The following HSD17B8 variants were observed in gnomAD, a reference collection of about 807,000 sequenced individuals.
HSD17B8 encodes hydroxysteroid 17-beta dehydrogenase 8, also known as (3R)-3-hydroxyacyl-CoA dehydrogenase.
In HSD17B8, 23 loss-of-function variants were observed where a neutral mutation model predicts 33.2. The observed-to-expected ratio is 0.69, with a 90% CI of 0.50 to 0.98. The LOEUF is 0.98. Among genes scored for constraint, HSD17B8 ranks in the 50% least tolerant of loss-of-function variants. The pLI is 0.00. For missense variants in HSD17B8, 345 were observed against 347.5 expected, an observed-to-expected ratio of 0.99 and a Z score of 0.06; for synonymous variants, 137 against 138.6, an observed-to-expected ratio of 0.99 and a Z score of 0.08.
At position 33,205,762 on chromosome 6, in the gene HSD17B8, G is replaced by T. The variant is rs544300019; in HGVS notation, c.566+37G>T. 8.8e-5 allele frequency: 142 copies of T among 1,609,380 alleles called. No homozygotes were observed. In the East Asian group the frequency reaches 1.0e-3, roughly 12 times the overall value. On this transcript the variant is annotated intron_variant, in intron 5 of 8. Transcript: ENST00000374662. The surrounding 1 kb of genome is among the most constrained non-coding windows in gnomAD (Gnocchi z 5.0). ...GCTTGAGGGTGCTGGGGAGCACCTG[G>T]GGGGTCTGAGGGAGGTACCAGCATT... is the stretch of plus-strand genomic sequence containing the variant.
Position 33,205,867 on chromosome 6 carries a change from T to G in HSD17B8, c.606T>G (p.Ile202Met). The G allele has an allele frequency of 6.2e-7, 1 of 1,612,852 alleles. No individual in the cohort carries two copies. Among genetic ancestry groups the G allele is most frequent in the Non-Finnish European group, 8.5e-7 (1 of 1,179,982 alleles). The change falls in exon 6 of 9, where the codon ATT (isoleucine) becomes ATG (methionine). Residue 202 changes from isoleucine (I) to methionine (M), a missense_variant. Transcript: ENST00000374662. The surrounding 1 kb of genome is among the most constrained non-coding windows in gnomAD (Gnocchi z 5.0). Reference sequence around the variant, plus strand: ...GTAACTCTGTCCTCCCAGGGTTCATTGCAACACCCATGACACAGAAAGTGC... The same window carrying G: ...GTAACTCTGTCCTCCCAGGGTTCATGGCAACACCCATGACACAGAAAGTGC... ...IRCNSVLPGF[I>M]ATPMTQKVPQ...
rs772625395 is a variant in HSD17B8 at position 33,205,143 on chromosome 6, C to T, written c.270+24C>T. ...AGGTGAACGCTAGGCCACTTTCCCC[C>T]TCTAAAGCTCTGATATTGCCTCCAC... On this transcript the variant is annotated intron_variant, in intron 2 of 8. Transcript: ENST00000374662. This position sits in a 1 kb window ranked among gnomAD's most constrained non-coding sequence, Gnocchi z 5.0. The T allele has an allele frequency of 1.9e-5, 30 of 1,589,862 alleles. No homozygotes were observed. The highest frequency in any genetic ancestry group is 2.6e-5 in the Non-Finnish European group (30 of 1,166,718).
At position 33,205,717 on chromosome 6, in the gene HSD17B8, G is replaced by GC. The variant is rs1395402908; in HGVS notation, c.559dup (p.Leu187ProfsTer9). The GC allele has an allele frequency of 6.2e-7, 1 of 1,613,080 alleles. No homozygotes were observed. Among genetic ancestry groups the GC allele is most frequent in the South Asian group, 1.1e-5 (1 of 91,082 alleles). On this transcript the variant is annotated frameshift_variant, in exon 5 of 9. Coordinates refer to ENST00000374662, the MANE Select transcript of HSD17B8 (RefSeq NM_014234.5). LOFTEE classifies it high-confidence loss of function. The surrounding 1 kb of genome is among the most constrained non-coding windows in gnomAD (Gnocchi z 5.0). Reference sequence around the variant, plus strand: ...GGCTGACCCAGACCGCAGCCCGGGAGCTTGGACGGTTGGTCAGATGCTTGA... The same window carrying GC: ...GGCTGACCCAGACCGCAGCCCGGGAGCCTTGGACGGTTGGTCAGATGCTTGA...
In HSD17B8 at chr6:33,205,324, C is replaced by A. The variant is rs748546166; in HGVS notation, c.374C>A (p.Ala125Asp). The change falls in exon 3 of 9, where the codon GCT (alanine) becomes GAT (aspartate). Residue 125 changes from alanine (A) to aspartate (D), a missense_variant. By Grantham distance (126) the Ala-to-Asp change is moderately radical. Transcript: ENST00000374662. The surrounding 1 kb of genome is among the most constrained non-coding windows in gnomAD (Gnocchi z 5.0). ...GAGGATGACTGGGACAAAGTCATAG[C>A]TGTCAACCTCAAGGTGGCGATCTCT... ...MSEDDWDKVI[A>D]VNLKGTFLVT... 6.2e-7 allele frequency: 1 copy of A among 1,612,940 alleles called. No homozygotes were observed. Among genetic ancestry groups the A allele is most frequent in the African/African-American group, 1.3e-5 (1 of 74,916 alleles).
At position 33,206,384 on chromosome 6, in the gene HSD17B8, A is replaced by C; in HGVS notation, c.704A>C (p.Asp235Ala). 1 of 1,613,726 alleles carries C rather than the reference A, an allele frequency of 6.2e-7. No individual in the cohort carries two copies. Among genetic ancestry groups the C allele is most frequent in the Non-Finnish European group, 8.5e-7 (1 of 1,179,942 alleles). ...CCCACCATTCTCATAGATGTGGCAG[A>C]TGTGGTCGCATTCTTGGCATCTGAA... Reference protein sequence around the residue: ...GHLGDPEDVADVVAFLASEDS... With the variant: ...GHLGDPEDVAAVVAFLASEDS... Residue 235 changes from aspartate to alanine, a missense_variant, in exon 8 of 9, where the codon GAT becomes GCT. Physicochemically the swap from Asp to Ala is moderately radical, Grantham distance 126. Transcript: ENST00000374662. This position sits in a 1 kb window ranked among gnomAD's most constrained non-coding sequence, Gnocchi z 6.2.
chr6:33,205,125 C>CAA lies in HSD17B8; in HGVS notation c.270+6_270+7insAA. The CAA allele has an allele frequency of 6.3e-7, 1 of 1,576,578 alleles. No homozygotes were observed. Among genetic ancestry groups the CAA allele is most frequent in the African/African-American group, 1.3e-5 (1 of 74,364 alleles). On this transcript the variant is annotated splice_region_variant and intron_variant, in intron 2 of 8. Transcript: ENST00000374662. This position sits in a 1 kb window ranked among gnomAD's most constrained non-coding sequence, Gnocchi z 5.0. Reference sequence around the variant, plus strand: ...GCCTGCTGGAACAAGTGCAGGTGAACGCTAGGCCACTTTCCCCCTCTAAAG... The same window carrying CAA: ...GCCTGCTGGAACAAGTGCAGGTGAACAAGCTAGGCCACTTTCCCCCTCTAAAG...
chr6:33,205,551 T>C lies in HSD17B8; in HGVS notation c.480+12T>C, dbSNP rs142469266. The C allele has an allele frequency of 2.2e-3, 3,474 of 1,612,732 alleles. 24 individuals are homozygous for C. The highest frequency in any genetic ancestry group is 1.6e-3 in the Non-Finnish European group (1,855 of 1,179,752). On this transcript the variant is annotated intron_variant, in intron 4 of 8. Coordinates refer to ENST00000374662, the MANE Select transcript of HSD17B8 (RefSeq NM_014234.5). This position sits in a 1 kb window ranked among gnomAD's most constrained non-coding sequence, Gnocchi z 5.0. ...GCATCGTAGGAAAGGTCAGGTTGAG[T>C]TGGACGAGGTCAGCCAGCCAAGTGG...
chr6:33,206,310 G>A lies in HSD17B8; in HGVS notation c.695-65G>A. 1 of 1,566,430 alleles carries A rather than the reference G, an allele frequency of 6.4e-7. No individual in the cohort carries two copies. Among genetic ancestry groups the A allele is most frequent in the African/African-American group, 1.4e-5 (1 of 74,028 alleles). On this transcript the variant is annotated intron_variant, in intron 7 of 8. Coordinates refer to ENST00000374662, the MANE Select transcript of HSD17B8 (RefSeq NM_014234.5). The surrounding 1 kb of genome is among the most constrained non-coding windows in gnomAD (Gnocchi z 6.2). Reference sequence around the variant, plus strand: ...GTGGGGAGGGATGTCTTTGGTGGGAGATTATGGCTGTTTTGGGTCTATGGG... The same window carrying A: ...GTGGGGAGGGATGTCTTTGGTGGGAAATTATGGCTGTTTTGGGTCTATGGG...
chr6:33,205,707 C>A lies in HSD17B8; in HGVS notation c.548C>A (p.Ala183Glu), dbSNP rs750873570. The part of the protein sequence containing the change: ...KAGVIGLTQT[A>E]ARELGRHGIR... ...GGAGTGATTGGGCTGACCCAGACCG[C>A]AGCCCGGGAGCTTGGACGGTTGGTC... is the stretch of plus-strand genomic sequence containing the variant. The change falls in exon 5 of 9, where the codon GCA (alanine) becomes GAA (glutamate). Residue 183 changes from alanine to glutamate, a missense_variant. Transcript: ENST00000374662. The surrounding 1 kb of genome is among the most constrained non-coding windows in gnomAD (Gnocchi z 5.0). 3 of 1,612,944 alleles carry A rather than the reference C, an allele frequency of 1.9e-6. No individual in the cohort carries two copies. Among genetic ancestry groups the A allele is most frequent in the South Asian group, 2.2e-5 (2 of 91,082 alleles).
rs1775012972 is a variant in HSD17B8 at position 33,205,898 on chromosome 6, A to C, written c.637A>C (p.Lys213Gln). 1 of 1,612,764 alleles carries C rather than the reference A, an allele frequency of 6.2e-7. No homozygotes were observed. The highest frequency in any genetic ancestry group is 8.5e-7 in the Non-Finnish European group (1 of 1,179,808). Residue 213 changes from lysine (K) to glutamine (Q), a missense_variant, in exon 6 of 9, where the codon AAA (lysine) becomes CAA (glutamine). Lys to Gln is a moderately conservative substitution (Grantham distance 53). Transcript: ENST00000374662. This position sits in a 1 kb window ranked among gnomAD's most constrained non-coding sequence, Gnocchi z 5.0. ...ACCCATGACACAGAAAGTGCCACAG[A>C]AAGTGGTGGACAAGGTAGGAGGCTG... is the stretch of plus-strand genomic sequence containing the variant. ...ATPMTQKVPQ[K>Q]VVDKITEMIP...
At position 33,206,350 on chromosome 6, in the gene HSD17B8, T is replaced by C; in HGVS notation, c.695-25T>C. 6.2e-7 allele frequency: 1 copy of C among 1,610,716 alleles called. No individual in the cohort carries two copies. Among genetic ancestry groups the C allele is most frequent in the Non-Finnish European group, 8.5e-7 (1 of 1,177,786 alleles). On this transcript the variant is annotated intron_variant, in intron 7 of 8. Coordinates refer to ENST00000374662, the MANE Select transcript of HSD17B8 (RefSeq NM_014234.5). The surrounding 1 kb of genome is among the most constrained non-coding windows in gnomAD (Gnocchi z 6.2). ...GGGTCTATGGGAGTGAGCAGAATTC[T>C]GCCCTCTCCCCACCATTCTCATAGA...
Position 33,205,342 on chromosome 6 carries a change from C to T in HSD17B8, c.387+5C>T, listed in dbSNP as rs145122117. The T allele has an allele frequency of 1.6e-4, 259 of 1,611,324 alleles. 4 individuals carry two copies. The African/African-American group carries it at 2.8e-3, about 18-fold the overall frequency. ...GTCATAGCTGTCAACCTCAAGGTGG[C>T]GATCTCTGAACCTGCGACGTTTGGC... On this transcript the variant is annotated splice_donor_5th_base_variant and intron_variant, in intron 3 of 8. Coordinates refer to ENST00000374662, the MANE Select transcript of HSD17B8 (RefSeq NM_014234.5). The surrounding 1 kb of genome is among the most constrained non-coding windows in gnomAD (Gnocchi z 5.0).
chr6:33,206,038 G>T lies in HSD17B8; in HGVS notation c.652-96G>T, dbSNP rs1215006921. On this transcript the variant is annotated intron_variant, in intron 6 of 8. Transcript: ENST00000374662. This position sits in a 1 kb window ranked among gnomAD's most constrained non-coding sequence, Gnocchi z 6.2. ...TCCTGGCAAACATTAAATATTCAAT[G>T]AATGTATGAGAAATGAAGACAAAAA... 1 of 1,446,466 alleles carries T rather than the reference G, an allele frequency of 6.9e-7. No individual in the cohort carries two copies. The highest frequency in any genetic ancestry group is 9.6e-7 in the Non-Finnish European group (1 of 1,036,794). 89.6% of individuals were successfully genotyped at this position (1,446,466 alleles called of 1,614,324 possible).
In HSD17B8 at chr6:33,205,206, C is replaced by CGGG; in HGVS notation, c.271-15_271-14insGGG. The CGGG allele has an allele frequency of 6.2e-7, 1 of 1,606,968 alleles. No homozygotes were observed. The highest frequency in any genetic ancestry group is 8.5e-7 in the Non-Finnish European group (1 of 1,174,586). On this transcript the variant is annotated splice_polypyrimidine_tract_variant and intron_variant, in intron 2 of 8. Transcript: ENST00000374662. This position sits in a 1 kb window ranked among gnomAD's most constrained non-coding sequence, Gnocchi z 5.0. Reference sequence around the variant, plus strand: ...TTGTGGGGGGTTTTTGATGCGTAACCTCCCCCTCCCATAGGCCTGCTTTTC... The same window carrying CGGG: ...TTGTGGGGGGTTTTTGATGCGTAACCGGGTCCCCCTCCCATAGGCCTGCTTTTC...
rs1388410283 is a variant in HSD17B8 at position 33,206,636 on chromosome 6, A to G, written c.770-2A>G. 6.2e-7 allele frequency: 1 copy of G among 1,613,930 alleles called. No homozygotes were observed. Among genetic ancestry groups the G allele is most frequent in the East Asian group, 2.2e-5 (1 of 44,882 alleles). ...CTGTCCAAATGTTTCTGCCCCTCCC[A>G]GGAGGTCTTTTCATGTAACTGCCTC... On this transcript the variant is annotated splice_acceptor_variant, in intron 8 of 8. Coordinates refer to ENST00000374662, the MANE Select transcript of HSD17B8 (RefSeq NM_014234.5). LOFTEE classifies it high-confidence loss of function. The surrounding 1 kb of genome is among the most constrained non-coding windows in gnomAD (Gnocchi z 6.2).
Position 33,206,077 on chromosome 6 carries a change from C to T in HSD17B8, c.652-57C>T. 1 of 1,565,160 alleles carries T rather than the reference C, an allele frequency of 6.4e-7. No individual in the cohort carries two copies. Among genetic ancestry groups the T allele is most frequent in the Non-Finnish European group, 8.7e-7 (1 of 1,143,964 alleles). On this transcript the variant is annotated intron_variant, in intron 6 of 8. Coordinates refer to ENST00000374662, the MANE Select transcript of HSD17B8 (RefSeq NM_014234.5). This position sits in a 1 kb window ranked among gnomAD's most constrained non-coding sequence, Gnocchi z 6.2. ...TGAAGACAAAAAAGGGTCACAGACT[C>T]AGTCTTCAAAAAAATCCATAAAAGA...
Position 33,205,788 on chromosome 6 carries a change from C to CA in HSD17B8, c.567-39dup, listed in dbSNP as rs1315494343. On this transcript the variant is annotated intron_variant, in intron 5 of 8. Transcript: ENST00000374662. The surrounding 1 kb of genome is among the most constrained non-coding windows in gnomAD (Gnocchi z 5.0). Reference sequence around the variant, plus strand: ...GGGGTCTGAGGGAGGTACCAGCATTCAGCCCTCTCCAGAATCGGCAGCCAC... The same window carrying CA: ...GGGGTCTGAGGGAGGTACCAGCATTCAAGCCCTCTCCAGAATCGGCAGCCAC... The CA allele has an allele frequency of 1.2e-6, 2 of 1,609,930 alleles. No individual in the cohort carries two copies. The highest frequency in any genetic ancestry group is 1.7e-6 in the Non-Finnish European group (2 of 1,177,182).
In HSD17B8 at chr6:33,205,043, C is replaced by T. The variant is rs975455369; in HGVS notation, c.194C>T (p.Pro65Leu). The change falls in exon 2 of 9, where the codon CCC (proline) becomes CTC (leucine). Residue 65 changes from proline to leucine, a missense_variant. By Grantham distance (98) the Pro-to-Leu change is moderately conservative. Transcript: ENST00000374662. This position sits in a 1 kb window ranked among gnomAD's most constrained non-coding sequence, Gnocchi z 5.0. ...GGGCCAGGGAGCAAGGAGGGGCCGC[C>T]CCGAGGGAACCATGCTGCCTTCCAG... ...LGGPGSKEGP[P>L]RGNHAAFQAD... is the part of the protein sequence containing the mutation. The T allele has an allele frequency of 2.6e-6, 4 of 1,549,906 alleles. No homozygotes were observed. The Admixed American group carries it at 7.9e-5, about 30-fold the overall frequency.
Position 33,205,925 on chromosome 6 carries a change from G to T in HSD17B8, c.651+13G>T. ...AGTGGTGGACAAGGTAGGAGGCTGT[G>T]GGTGGAGGGCAGAATCATTCAGAGA... On this transcript the variant is annotated intron_variant, in intron 6 of 8. Coordinates refer to ENST00000374662, the MANE Select transcript of HSD17B8 (RefSeq NM_014234.5). The surrounding 1 kb of genome is among the most constrained non-coding windows in gnomAD (Gnocchi z 5.0). 2 of 1,599,888 alleles carry T rather than the reference G, an allele frequency of 1.3e-6. No individual in the cohort carries two copies. Among genetic ancestry groups the T allele is most frequent in the Non-Finnish European group, 1.7e-6 (2 of 1,168,060 alleles).
Sources: gnomAD v4.1 joint callset for allele counts on GRCh38, gnomAD v4.1.1 for gene constraint, Gnocchi (gnomAD v3.1) non-coding constraint, MANE v1.5 for transcripts, NCBI Gene and HGNC (gene_info 2026-07-23, HGNC 2026-07-21) for gene names.